EPHA3: variants seen among roughly 807,000 people sequenced by gnomAD.
EPHA3 encodes ephrin type-A receptor 3.
In EPHA3, 42 loss-of-function variants were observed where a neutral mutation model predicts 107.1. The observed-to-expected ratio is 0.39, with a 90% CI of 0.31 to 0.51. EPHA3 has a LOEUF of 0.51. EPHA3 is among the 20% of genes least tolerant of loss of function. EPHA3 has a pLI of 0.78. For missense variants in EPHA3, 1,183 were observed against 1,211.2 expected (o/e 0.98, Z 0.35); for synonymous variants, 461 against 424.8 (o/e 1.09, Z -1.05).
At chr3:89,135,162 T>C (rs1704285288) in intron 2 of EPHA3, among the ~76,000 whole-genome samples, 1 of 152,186 alleles carries the variant, frequency 6.6e-6, no homozygotes, top group Non-Finnish European at 1.5e-5. Flanking sequence ...GGTCAAATGT[T>C]ACTTTTTCAT....
intron 3 of EPHA3, among the ~76,000 whole-genome samples, chr3:89,215,651 C>A (rs576480281): frequency 1.3e-5 from 2 of 151,878 alleles, no homozygotes; most frequent in South Asian, 4.1e-4. Flanking sequence ...AGCAATGAAC[C>A]ACTATAACAG....
intron 2 of EPHA3, among the ~76,000 whole-genome samples, chr3:89,135,418 C>T (rs1704289990): frequency 6.6e-6 from 1 of 152,118 alleles, no homozygotes; most frequent in Non-Finnish European, 1.5e-5. Context: ...TAACTCTCAG[C>T]ATTTACAGTT....
chr3:89,239,514 C>T (rs1209186362), intron 3 of EPHA3, among the ~76,000 whole-genome samples: 1 of 152,078 alleles, frequency 6.6e-6, no homozygotes, highest in Non-Finnish European at 1.5e-5. Context: ...ACCAAAGCCA[C>T]TATTTGTGCA....
intron 2 of EPHA3, among the ~76,000 whole-genome samples, chr3:89,167,055 A>G (rs1026989390): frequency 6.6e-6 from 1 of 152,218 alleles, no homozygotes; most frequent in Non-Finnish European, 1.5e-5. Context: ...GGAAAATGAC[A>G]GTTTAGTGAT....
intron 3 of EPHA3, among the ~76,000 whole-genome samples, chr3:89,245,401 C>T (rs1194688132): frequency 4.6e-5 from 7 of 152,080 alleles, no homozygotes; most frequent in East Asian, 3.9e-4. Flanking sequence ...AAAAGCATTA[C>T]GCTATTTTCA....
intron 3 of EPHA3, among the ~76,000 whole-genome samples, chr3:89,266,945 T>C (rs1274813314): frequency 1.3e-5 from 2 of 152,094 alleles, no homozygotes; most frequent in Non-Finnish European, 2.9e-5. Flanking sequence ...CTAAAACCTC[T>C]GAAAGTCAAT....
At chr3:89,316,726 G>A (rs1327338404) in intron 3 of EPHA3, among the ~76,000 whole-genome samples, 1 of 150,804 alleles carries the variant, frequency 6.6e-6, no homozygotes, top group Admixed American at 6.7e-5. Flanking sequence ...TAACATACTG[G>A]AGAGTTACCT....
At position 89,327,732 on chromosome 3, in the gene EPHA3, CT is replaced by C. The variant is rs796871030; in HGVS notation, c.815-13175del. Among the ~76,000 whole-genome samples the C allele has an allele frequency of 4.7e-3, 717 of 151,232 alleles. 5 individuals carry two copies. The highest frequency in any genetic ancestry group is 0.017 in the African/African-American group (682 of 41,240). On this transcript the variant is annotated intron_variant, in intron 3 of 16. Coordinates refer to ENST00000336596, the MANE Select transcript of EPHA3 (RefSeq NM_005233.6). ...ACCCCTGAAAGTCTTGAGAACTGTG[CT>C]TTTTTTTTGTTTGTTTGTTTTGTTT... is the stretch of plus-strand genomic sequence containing the variant.
At chr3:89,175,699 A>G (rs1409093077) in intron 2 of EPHA3, among the ~76,000 whole-genome samples, 1 of 152,172 alleles carries the variant, frequency 6.6e-6, no homozygotes, top group African/African-American at 2.4e-5. Flanking sequence ...ATTTTGATTT[A>G]TACAAGTTAA....
chr3:89,212,235 A>G (rs1704119172), intron 3 of EPHA3, among the ~76,000 whole-genome samples: 1 of 151,892 alleles, frequency 6.6e-6, no homozygotes, highest in Non-Finnish European at 1.5e-5. Flanking sequence ...ACTGTAATAT[A>G]TTTTCTTTAA....
chr3:89,374,778 T>A (rs867942058), intron 5 of EPHA3, among the ~76,000 whole-genome samples: 20 of 151,770 alleles, frequency 1.3e-4, no homozygotes, highest in African/African-American at 4.6e-4. Flanking sequence ...TCTTATTTTC[T>A]AACCTGAGAA....
At chr3:89,216,216 G>T (rs7432948) in intron 3 of EPHA3, among the ~76,000 whole-genome samples, 89,742 of 151,642 alleles carry the variant, frequency 0.59, 28,405 homozygotes, top group Non-Finnish European at 0.7. Context: ...AGCATCTGAG[G>T]CATCAGAAAA....
At chr3:89,287,118 A>G (rs1376442340) in intron 3 of EPHA3, among the ~76,000 whole-genome samples, 3 of 152,170 alleles carry the variant, frequency 2.0e-5, no homozygotes, top group African/African-American at 7.2e-5. Context: ...TTTAACAGGA[A>G]AAACATTTCA....
At chr3:89,472,851 C>A (rs540662030) in intron 16 of EPHA3, among the ~76,000 whole-genome samples, 2 of 152,212 alleles carry the variant, frequency 1.3e-5, no homozygotes, top group African/African-American at 2.4e-5. Context: ...GGCCCAGGAT[C>A]GGTGTCTTTA....
intron 2 of EPHA3, among the ~76,000 whole-genome samples, chr3:89,146,588 A>G (rs1704563798): frequency 6.6e-6 from 1 of 151,936 alleles, no homozygotes; most frequent in Non-Finnish European, 1.5e-5. Flanking sequence ...CCCATTCTGT[A>G]GGTTGCCTGT....
At chr3:89,386,800 C>T (rs1708632076) in intron 5 of EPHA3, among the ~76,000 whole-genome samples, 2 of 152,224 alleles carry the variant, frequency 1.3e-5, no homozygotes. Context: ...CTGTGGGAGC[C>T]CATCTCTTGC....
At chr3:89,199,768 T>C (rs1386344176) in intron 2 of EPHA3, among the ~76,000 whole-genome samples, 1 of 152,222 alleles carries the variant, frequency 6.6e-6, no homozygotes, top group Non-Finnish European at 1.5e-5. Context: ...GTCATTGGTC[T>C]TATAGTTACT....
At chr3:89,152,177 T>C (rs1230428983) in intron 2 of EPHA3, among the ~76,000 whole-genome samples, 1 of 152,084 alleles carries the variant, frequency 6.6e-6, no homozygotes, top group Non-Finnish European at 1.5e-5. Flanking sequence ...TATTAATTTA[T>C]ATCCATGTGT....
chr3:89,114,245 G>C (rs1365734494), intron 1 of EPHA3, among the ~76,000 whole-genome samples: 1 of 152,152 alleles, frequency 6.6e-6, no homozygotes, highest in African/African-American at 2.4e-5. Context: ...TTACAAAAGT[G>C]TGTCATGCGA....
Sources: allele counts gnomAD v4.1 joint callset (sites outside exome capture counted in the v4.1 genomes callset), GRCh38; gene constraint gnomAD v4.1.1; transcripts MANE v1.5; gene names NCBI Gene and HGNC (gene_info 2026-07-23, HGNC 2026-07-21).